Variants in L3MBTL4 observed in about 807,000 individuals in gnomAD.
The protein encoded by L3MBTL4 is L3MBTL histone methyl-lysine binding protein 4.
L3MBTL4 carries 70 observed loss-of-function variants against 84.5 expected under a neutral mutation model. The ratio of observed to expected loss-of-function variants is 0.83; its 90% CI spans 0.68 to 1.01. The LOEUF is 1.01. Among genes scored for constraint, L3MBTL4 ranks in the 50% least tolerant of loss-of-function variants. The pLI, the probability that L3MBTL4 is intolerant of heterozygous loss-of-function variation, is 0.00. For synonymous variants in L3MBTL4, 274 were observed against 259.8 expected, an observed-to-expected ratio of 1.05 and a Z score of -0.52; for missense variants, 715 against 754.8, an observed-to-expected ratio of 0.95 and a Z score of 0.62.
At position 6,176,429 on chromosome 18, in the gene L3MBTL4, C is replaced by T. The variant is rs562451936; in HGVS notation, c.982-4487G>A. 1.6e-3 allele frequency among the ~76,000 whole-genome samples: 236 copies of T among 152,064 alleles called. 1 individual carries two copies. Among genetic ancestry groups the T allele is most frequent in the Middle Eastern group, 0.01 (3 of 292 alleles). ...TATGCAGTCAATTGATTTTCAAAAA[C>T]ATGACAAGAGTATTGAATGAAGAAA... On this transcript the variant is annotated intron_variant, in intron 12 of 18. Coordinates refer to ENST00000317931, the MANE Select transcript of L3MBTL4 (RefSeq NM_001330559.2).
rs535249021 is a variant in L3MBTL4, at chr18:6,157,155, A to G, written c.1096+14673T>C. ...AATAGCTACCTTTTTAAAAAACACA[A>G]TATGCTGTAATTGTCTATTAAGTCA... On this transcript the variant is annotated intron_variant, in intron 13 of 18. Coordinates refer to ENST00000317931, the MANE Select transcript of L3MBTL4 (RefSeq NM_001330559.2). 4.6e-5 allele frequency among the ~76,000 whole-genome samples: 7 copies of G among 152,316 alleles called. No individual in the cohort carries two copies. The South Asian group carries it at 6.2e-4, about 14-fold the overall frequency.
intron 18 of L3MBTL4, among the ~76,000 whole-genome samples, chr18:5,959,026 C>T (rs1002123056): frequency 5.9e-5 from 9 of 152,298 alleles, no homozygotes; most frequent in Admixed American, 5.9e-4. Flanking sequence ...CAGGCGAACC[C>T]CACAGGTAGC....
intron 17 of L3MBTL4, among the ~76,000 whole-genome samples, chr18:5,963,542 G>A (rs149947773): frequency 6.0e-4 from 92 of 152,278 alleles, no homozygotes; most frequent in African/African-American, 2.1e-3. Context: ...CCTCTGAAAG[G>A]CTCTGCCATT....
intron 16 of L3MBTL4, among the ~76,000 whole-genome samples, chr18:6,022,998 T>C (rs1642804090): frequency 6.6e-6 from 1 of 152,156 alleles, no homozygotes; most frequent in Non-Finnish European, 1.5e-5. Context: ...GGCCTCTGGT[T>C]ACTCACTGGT....
chr18:6,186,244 G>A (rs2044756412), intron 12 of L3MBTL4, among the ~76,000 whole-genome samples: 1 of 150,968 alleles, frequency 6.6e-6, no homozygotes, highest in African/African-American at 2.4e-5. Context: ...GTTTCACCAT[G>A]TTGGCCAGGC....
chr18:6,302,919 A>G (rs1185397242), intron 3 of L3MBTL4, among the ~76,000 whole-genome samples: 1 of 152,090 alleles, frequency 6.6e-6, no homozygotes, highest in Non-Finnish European at 1.5e-5. Context: ...TGAATCTGGG[A>G]GGCGGAGGTT....
intron 5 of L3MBTL4, among the ~76,000 whole-genome samples, chr18:6,251,247 G>A (rs759793067): frequency 8.5e-5 from 13 of 152,182 alleles, no homozygotes; most frequent in Non-Finnish European, 1.5e-4. Flanking sequence ...CTTTGATGAA[G>A]CAAAAGGAAA....
chr18:6,211,224 T>C (rs2145774508), intron 12 of L3MBTL4, among the ~76,000 whole-genome samples: 1 of 152,268 alleles, frequency 6.6e-6, no homozygotes, highest in Admixed American at 6.5e-5. Context: ...TATTTGAAAA[T>C]AAGAGAAGAG....
In L3MBTL4 at chr18:6,171,945, G is replaced by T. The variant is rs1377296655; in HGVS notation, c.982-3C>A. On this transcript the variant is annotated splice_polypyrimidine_tract_variant and splice_region_variant and intron_variant, in intron 12 of 18. Transcript: ENST00000317931. ...TGGTCCCAACCATCAAAATGAACCTGTTAAAACGAGTTTTGAATGATTAGC... is the reference window on the plus strand; with the variant it reads ...TGGTCCCAACCATCAAAATGAACCTTTTAAAACGAGTTTTGAATGATTAGC... The T allele has an allele frequency of 6.9e-6, 10 of 1,442,732 alleles. No individual in the cohort carries two copies. The highest frequency in any genetic ancestry group is 4.7e-6 in the Non-Finnish European group (5 of 1,053,960). 89.4% of individuals were successfully genotyped at this position (1,442,732 alleles called of 1,614,324 possible). A position where few individuals can be genotyped will look rare whatever the true frequency, so the allele number is the denominator to read the frequency against.
intron 16 of L3MBTL4, among the ~76,000 whole-genome samples, chr18:6,054,590 A>G (rs1469889218): frequency 1.3e-5 from 2 of 151,758 alleles, no homozygotes; most frequent in Non-Finnish European, 2.9e-5. Context: ...GATCTGGGCC[A>G]TGTCACTTTC....
intron 5 of L3MBTL4, 60 bp downstream of exon 5, chr18:6,263,887 T>C: frequency 8.6e-7 from 1 of 1,156,958 alleles, no homozygotes; most frequent in South Asian, 1.2e-5. Flanking sequence ...GTCATTTCAT[T>C]TAAACTAAAC....
At chr18:6,026,091 A>T (rs1395180429) in intron 16 of L3MBTL4, among the ~76,000 whole-genome samples, 1 of 152,236 alleles carries the variant, frequency 6.6e-6, no homozygotes, top group African/African-American at 2.4e-5. Context: ...GATACGACTG[A>T]CTTCTCTCAT....
At chr18:6,201,789 G>T (rs1448420983) in intron 12 of L3MBTL4, among the ~76,000 whole-genome samples, 1 of 151,932 alleles carries the variant, frequency 6.6e-6, no homozygotes, top group East Asian at 1.9e-4. Context: ...ACATAAAATT[G>T]CACCCCATAA....
At chr18:6,187,126 A>T (rs2044812507) in intron 12 of L3MBTL4, among the ~76,000 whole-genome samples, 1 of 152,180 alleles carries the variant, frequency 6.6e-6, no homozygotes, top group South Asian at 2.1e-4. Flanking sequence ...TAGAAAACTG[A>T]TATGACCTTC....
At chr18:6,160,374 C>T (rs926254090) in intron 13 of L3MBTL4, among the ~76,000 whole-genome samples, 3 of 152,116 alleles carry the variant, frequency 2.0e-5, no homozygotes, top group African/African-American at 4.8e-5. Flanking sequence ...CAGGAGTGTT[C>T]GGAGCCAAAA....
chr18:5,962,454 G>A (rs572383035), intron 17 of L3MBTL4, among the ~76,000 whole-genome samples: 26 of 152,246 alleles, frequency 1.7e-4, no homozygotes, highest in Middle Eastern at 3.4e-3. Context: ...AGGGAGTGGC[G>A]GGAAGAGGGA....
At chr18:6,243,148 G>T in intron 7 of L3MBTL4, 146 bp downstream of exon 7, 1 of 593,058 alleles carries the variant, frequency 1.7e-6, no homozygotes, top group Non-Finnish European at 2.6e-6. Flanking sequence ...TACCATTATA[G>T]TCTTACTACT....
intron 1 of L3MBTL4, chr18:6,396,718 A>C (rs1322227791): frequency 6.6e-6 from 1 of 152,262 alleles, no homozygotes; most frequent in Non-Finnish European, 1.5e-5. Context: ...CCATTGGGGC[A>C]ATATTGCCAT....
chr18:5,980,551 C>G (rs916984717), intron 16 of L3MBTL4, among the ~76,000 whole-genome samples: 4 of 151,432 alleles, frequency 2.6e-5, no homozygotes, highest in African/African-American at 9.7e-5. Flanking sequence ...CCTGCCTCAG[C>G]TGCCTGAGTA....
Sources: allele counts gnomAD v4.1 joint callset (sites outside exome capture counted in the v4.1 genomes callset), GRCh38; gene constraint gnomAD v4.1.1; transcripts MANE v1.5; gene names NCBI Gene and HGNC (gene_info 2026-07-23, HGNC 2026-07-21).